The following C1orf21 variants were observed in gnomAD, a reference collection of about 807,000 sequenced individuals.
C1orf21 encodes the protein chromosome 1 open reading frame 21.
Under a neutral mutation model 18.7 loss-of-function variants are expected in C1orf21, and 3 were observed. The observed-to-expected ratio is 0.16, with a 90% CI of 0.07 to 0.42. The LOEUF (loss-of-function observed/expected upper bound fraction) is 0.42, where lower values mean the gene tolerates loss of function less well. Ranked by LOEUF, C1orf21 falls within the 10% of genes least tolerant of loss-of-function variation. The probability of loss-of-function intolerance (pLI) is 0.99; values close to 1 mark genes in which losing one functional copy is unlikely to be tolerated. For synonymous variants in C1orf21, 41 were observed against 46.4 expected, an observed-to-expected ratio of 0.88 and a Z score of 0.47; for missense variants, 104 against 143.6, an observed-to-expected ratio of 0.72 and a Z score of 1.41.
chr1:184,496,212 T>C (rs1250496085), intron 2 of C1orf21, among the ~76,000 whole-genome samples: 1 of 152,148 alleles, frequency 6.6e-6, no homozygotes, highest in African/African-American at 2.4e-5. Context: ...TTCTGGGCTC[T>C]CCTCAGTTAA....
At chr1:184,472,892 G>T (rs1472878943) in intron 1 of C1orf21, among the ~76,000 whole-genome samples, 1 of 152,210 alleles carries the variant, frequency 6.6e-6, no homozygotes, top group East Asian at 1.9e-4. Flanking sequence ...TACGGTGTAA[G>T]GAGAGGAAGA....
intron 2 of C1orf21, among the ~76,000 whole-genome samples, chr1:184,479,282 T>C (rs1280336551): frequency 3.9e-5 from 6 of 152,180 alleles, no homozygotes; most frequent in Non-Finnish European, 7.3e-5. Context: ...GCTTGACTTT[T>C]AAGAGAAAAT....
At chr1:184,492,884 CA>C (rs2101956866) in intron 2 of C1orf21, among the ~76,000 whole-genome samples, 1 of 152,120 alleles carries the variant, frequency 6.6e-6, no homozygotes, top group South Asian at 2.1e-4. Flanking sequence ...AAATCTAGGC[CA>C]AAAGGAGAAC....
intron 3 of C1orf21, among the ~76,000 whole-genome samples, chr1:184,586,545 A>G (rs1274182335): frequency 6.6e-6 from 1 of 151,700 alleles, no homozygotes; most frequent in African/African-American, 2.4e-5. Context: ...GGCCTCCCAA[A>G]GTGCTGGGAT....
At chr1:184,545,012 A>G (rs1658708626) in intron 3 of C1orf21, among the ~76,000 whole-genome samples, 1 of 152,230 alleles carries the variant, frequency 6.6e-6, no homozygotes, top group Non-Finnish European at 1.5e-5. Context: ...AGCTGCAATC[A>G]TTTATAACCA....
intron 1 of C1orf21, among the ~76,000 whole-genome samples, chr1:184,402,562 T>A (rs1382174485): frequency 1.3e-5 from 2 of 150,326 alleles, no homozygotes; most frequent in African/African-American, 2.5e-5. Flanking sequence ...AATTCAAGGT[T>A]ACAGTGATTG....
chr1:184,500,113 G>A (rs902407958), intron 2 of C1orf21, among the ~76,000 whole-genome samples: 16 of 152,176 alleles, frequency 1.1e-4, no homozygotes, highest in Admixed American at 5.2e-4. Context: ...CCTTGATTGG[G>A]AATGATTACT....
chr1:184,578,588 A>G (rs1418559788), intron 3 of C1orf21, among the ~76,000 whole-genome samples: 16 of 152,186 alleles, frequency 1.1e-4, no homozygotes, highest in Non-Finnish European at 2.1e-4. Context: ...TTAAGCTCCA[A>G]ATGGCATTTT....
At chr1:184,599,968 T>C (rs1357609882) in intron 5 of C1orf21, among the ~76,000 whole-genome samples, 1 of 152,238 alleles carries the variant, frequency 6.6e-6, no homozygotes, top group Admixed American at 6.5e-5. Flanking sequence ...ATACTCAACC[T>C]GTATTTTCTT....
intron 3 of C1orf21, among the ~76,000 whole-genome samples, chr1:184,526,030 A>G (rs1658372336): frequency 6.6e-6 from 1 of 152,212 alleles, no homozygotes; most frequent in Non-Finnish European, 1.5e-5. Context: ...CAGTGGAAGT[A>G]CTGTTGTGAA....
chr1:184,538,456 C>T (rs1284325296), intron 3 of C1orf21, among the ~76,000 whole-genome samples: 3 of 152,134 alleles, frequency 2.0e-5, no homozygotes, highest in Non-Finnish European at 4.4e-5. Flanking sequence ...ATGAACAAAA[C>T]TTTTCATTTT....
intron 1 of C1orf21, among the ~76,000 whole-genome samples, chr1:184,465,025 C>A (rs986868144): frequency 9.2e-5 from 14 of 152,182 alleles, no homozygotes; most frequent in Admixed American, 3.3e-4. Context: ...CCTGCTTCAG[C>A]CTCCCAAAGT....
intron 1 of C1orf21, among the ~76,000 whole-genome samples, chr1:184,458,201 C>T (rs1013125733): frequency 6.6e-6 from 1 of 152,092 alleles, no homozygotes. Flanking sequence ...AAGGGGACTC[C>T]CTTCCTCCCC....
intron 3 of C1orf21, among the ~76,000 whole-genome samples, chr1:184,577,051 G>A (rs1216681272): frequency 2.0e-5 from 3 of 151,922 alleles, no homozygotes; most frequent in African/African-American, 4.8e-5. Flanking sequence ...GGCACACTGT[G>A]GTAAGCTGAA....
At chr1:184,500,793 C>A (rs575519979) in intron 2 of C1orf21, among the ~76,000 whole-genome samples, 1 of 152,260 alleles carries the variant, frequency 6.6e-6, no homozygotes, top group South Asian at 2.1e-4. Flanking sequence ...GACTGCTCCT[C>A]ATTCTGAGGA....
chr1:184,416,166 T>C (rs944328046), intron 1 of C1orf21, among the ~76,000 whole-genome samples: 2 of 152,202 alleles, frequency 1.3e-5, no homozygotes, highest in African/African-American at 4.8e-5. Context: ...TCTTCACTAG[T>C]ATTTGCTCCA....
At chr1:184,577,696 T>C (rs991880271) in intron 3 of C1orf21, among the ~76,000 whole-genome samples, 2 of 152,032 alleles carry the variant, frequency 1.3e-5, no homozygotes. Context: ...CTCAGTTTAG[T>C]GGGAAAAAAA....
intron 1 of C1orf21, among the ~76,000 whole-genome samples, chr1:184,394,971 C>T (rs1323642215): frequency 2.0e-5 from 3 of 151,910 alleles, no homozygotes; most frequent in Non-Finnish European, 4.4e-5. Context: ...CCTTCCATGG[C>T]CTCCCCAACA....
intron 3 of C1orf21, among the ~76,000 whole-genome samples, chr1:184,583,878 A>C (rs529986805): frequency 1.6e-4 from 24 of 152,368 alleles, no homozygotes; most frequent in African/African-American, 5.8e-4. Flanking sequence ...TACTTAGTTC[A>C]CAAGTGTCAA....
Sources: allele counts gnomAD v4.1 joint callset (sites outside exome capture counted in the v4.1 genomes callset), GRCh38; gene constraint gnomAD v4.1.1; transcripts MANE v1.5; gene names NCBI Gene and HGNC (gene_info 2026-07-23, HGNC 2026-07-21).